Variants in CFAP61 observed in about 807,000 individuals in gnomAD.
CFAP61 encodes the protein cilia and flagella associated protein 61.
In CFAP61, 107 loss-of-function variants were observed where a neutral mutation model predicts 135.6. The observed-to-expected ratio is 0.79, with a 90% confidence interval of 0.67 to 0.93. CFAP61 has a LOEUF of 0.93. Among genes scored for constraint, CFAP61 ranks in the 40% least tolerant of loss-of-function variants. The pLI is 0.00. For missense variants in CFAP61, 1,507 were observed against 1,556.2 expected, an observed-to-expected ratio of 0.97 and a Z score of 0.53; for synonymous variants, 575 against 578.5, an observed-to-expected ratio of 0.99 and a Z score of 0.09.
chr20:20,355,518 T>G (rs1361026006), intron 26 of CFAP61, among the ~76,000 whole-genome samples: 2 of 61,200 alleles, frequency 3.3e-5, no homozygotes, highest in African/African-American at 7.5e-5. Context: ...TGAGGGGAGG[T>G]GGTCACACTG....
chr20:20,272,641 G>A (rs1410652163), intron 21 of CFAP61, among the ~76,000 whole-genome samples: 1 of 152,012 alleles, frequency 6.6e-6, no homozygotes, highest in Non-Finnish European at 1.5e-5. Flanking sequence ...CCCCGGCTCC[G>A]GTCATTATTC....
At chr20:20,225,308 C>T (rs1038580532) in intron 17 of CFAP61, 1 of 152,070 alleles carries the variant, frequency 6.6e-6, no homozygotes, top group South Asian at 2.1e-4. Flanking sequence ...CTTCATCATA[C>T]CTGGCGATGG....
intron 6 of CFAP61, among the ~76,000 whole-genome samples, chr20:20,082,215 G>A (rs548002984): frequency 6.6e-6 from 1 of 152,312 alleles, no homozygotes; most frequent in South Asian, 2.1e-4. Flanking sequence ...TACTTGCACT[G>A]ATAGTTAATG....
intron 17 of CFAP61, among the ~76,000 whole-genome samples, chr20:20,202,513 T>C (rs2056673673): frequency 6.6e-6 from 1 of 152,242 alleles, no homozygotes. Flanking sequence ...AAAGTTAAAA[T>C]GCTAAATTAT....
chr20:20,246,838 C>A (rs893127233), intron 19 of CFAP61, among the ~76,000 whole-genome samples: 3 of 152,188 alleles, frequency 2.0e-5, no homozygotes, highest in African/African-American at 4.8e-5. Context: ...TGTTCCCTCC[C>A]AGGGGATTCA....
chr20:20,244,675 G>T (rs536863637), intron 18 of CFAP61, among the ~76,000 whole-genome samples: 11 of 152,288 alleles, frequency 7.2e-5, no homozygotes, highest in Middle Eastern at 3.4e-3. Context: ...ATTGTCTTGG[G>T]GATTAACATT....
intron 8 of CFAP61, among the ~76,000 whole-genome samples, chr20:20,127,276 T>G (rs1339375496): frequency 2.0e-5 from 3 of 151,608 alleles, no homozygotes; most frequent in Non-Finnish European, 4.4e-5. Context: ...TGTGATTTTT[T>G]GGGGTTGTTA....
chr20:20,102,419 A>G (rs2048095430), intron 8 of CFAP61, among the ~76,000 whole-genome samples: 1 of 152,216 alleles, frequency 6.6e-6, no homozygotes, highest in Non-Finnish European at 1.5e-5. Context: ...GGTTTCCCAG[A>G]GTTCCCCCAA....
intron 24 of CFAP61, among the ~76,000 whole-genome samples, chr20:20,296,316 C>T (rs199572916): frequency 0.17 from 6,036 of 35,894 alleles, 416 homozygotes; most frequent in African/African-American, 0.27. Context: ...CCTTCCTTCC[C>T]TCCTTCCTTC....
intron 6 of CFAP61, among the ~76,000 whole-genome samples, chr20:20,086,282 T>C (rs6046611): frequency 0.66 from 95,655 of 145,596 alleles, 31,755 homozygotes; most frequent in East Asian, 0.82. Context: ...CATCATTTAG[T>C]ATTAGGTATA....
At chr20:20,279,811 T>A (rs1177140320) in intron 22 of CFAP61, among the ~76,000 whole-genome samples, 1 of 152,194 alleles carries the variant, frequency 6.6e-6, no homozygotes, top group Non-Finnish European at 1.5e-5. Context: ...GAATGGCCCC[T>A]GCAGATGACA....
intron 4 of CFAP61, among the ~76,000 whole-genome samples, 182 bp downstream of exon 4, chr20:20,074,560 T>C (rs1197701248): frequency 6.6e-6 from 1 of 152,260 alleles, no homozygotes; most frequent in African/African-American, 2.4e-5. Flanking sequence ...TTTGAATCTA[T>C]TGTCCATTCT....
rs2048885677 is a variant in CFAP61 at position 20,228,265 on chromosome 20, A to T, written c.1949A>T (p.Asn650Ile). 2 of 1,610,210 alleles carry T rather than the reference A, an allele frequency of 1.2e-6. No homozygotes were observed. Among genetic ancestry groups the T allele is most frequent in the Non-Finnish European group, 1.7e-6 (2 of 1,176,880 alleles). The change falls in exon 18 of 27, where the codon AAC becomes ATC. Residue 650 changes from asparagine to isoleucine, a missense_variant. Transcript: ENST00000245957. ...TTTTTCCAGATGAGTTATGCTTTAA[A>T]CCATACAAACAGAAAACTAACATTG... ...VSKDPMSYAL[N>I]HTNRKLTLEP... is the part of the protein sequence containing the mutation.
intron 8 of CFAP61, among the ~76,000 whole-genome samples, chr20:20,118,262 T>TTTCTTTCC (rs1555872867): frequency 3.2e-5 from 2 of 62,268 alleles, no homozygotes; most frequent in Non-Finnish European, 9.2e-5. Flanking sequence ...TGTTTCTTTC[T>TTTCTTTCC]TTCTTTCTTT....
At chr20:20,285,179 C>T (rs1233822056) in intron 22 of CFAP61, among the ~76,000 whole-genome samples, 1 of 151,890 alleles carries the variant, frequency 6.6e-6, no homozygotes, top group Non-Finnish European at 1.5e-5. Context: ...CTCTATATGT[C>T]ATTTTCCATT....
At chr20:20,069,912 C>T (rs1485145838) in intron 2 of CFAP61, 2 of 289,034 alleles carry the variant, frequency 6.9e-6, no homozygotes, top group Non-Finnish European at 1.4e-5. Flanking sequence ...GTAACTGCTG[C>T]CTTCTTTGTG....
chr20:20,155,204 G>A (rs1394946130), intron 9 of CFAP61, among the ~76,000 whole-genome samples: 1 of 152,068 alleles, frequency 6.6e-6, no homozygotes, highest in Non-Finnish European at 1.5e-5. Flanking sequence ...AATAGTGCTG[G>A]GAAAACTGGC....
At chr20:20,078,922 A>T (rs2046243069) in intron 6 of CFAP61, among the ~76,000 whole-genome samples, 1 of 152,240 alleles carries the variant, frequency 6.6e-6, no homozygotes, top group Non-Finnish European at 1.5e-5. Flanking sequence ...TCACTTACAG[A>T]TCCTACAGGC....
chr20:20,122,390 C>T (rs953710806), intron 8 of CFAP61, among the ~76,000 whole-genome samples: 4 of 152,086 alleles, frequency 2.6e-5, no homozygotes, highest in East Asian at 1.9e-4. Flanking sequence ...CTGCTGACCT[C>T]GTGATCTTCC....
Sources: allele counts gnomAD v4.1 joint callset (sites outside exome capture counted in the v4.1 genomes callset), GRCh38; gene constraint gnomAD v4.1.1; transcripts MANE v1.5; gene names NCBI Gene and HGNC (gene_info 2026-07-23, HGNC 2026-07-21).